The following HCN1 variants were observed in gnomAD, a reference collection of about 807,000 sequenced individuals.
HCN1 encodes the protein hyperpolarization activated cyclic nucleotide gated potassium channel 1.
A neutral mutation model predicts 78.9 loss-of-function variants in HCN1; 13 were observed. The ratio of observed to expected loss-of-function variants is 0.16; its 90% CI spans 0.11 to 0.26. The LOEUF (loss-of-function observed/expected upper bound fraction) is 0.26, where lower values mean the gene tolerates loss of function less well. Ranked by LOEUF, HCN1 falls within the 10% of genes least tolerant of loss-of-function variation. HCN1 has a pLI of 1.00. For missense variants in HCN1, 810 were observed against 1,154.3 expected (o/e 0.70, Z 4.32); for synonymous variants, 552 against 455.5 (o/e 1.21, Z -2.70).
intron 1 of HCN1, among the ~76,000 whole-genome samples, chr5:45,664,194 A>G (rs1225305591): frequency 1.4e-5 from 1 of 73,118 alleles, no homozygotes; most frequent in African/African-American, 5.7e-5. Context: ...CATTCTCAGT[A>G]AACTATCGCA....
intron 5 of HCN1, 90 bp from the exon 6 acceptor site, chr5:45,303,929 A>C: frequency 9.0e-7 from 1 of 1,112,754 alleles, no homozygotes. Flanking sequence ...TATACAGCAT[A>C]ACATTGTAAT....
At chr5:45,372,986 T>A in intron 4 of HCN1, among the ~76,000 whole-genome samples, 1 of 138,378 alleles carries the variant, frequency 7.2e-6, no homozygotes, top group South Asian at 2.2e-4. Context: ...AAATAAAAAA[T>A]AATATATAAA....
chr5:45,495,888 T>C (rs902835814), intron 2 of HCN1, among the ~76,000 whole-genome samples: 1 of 152,244 alleles, frequency 6.6e-6, no homozygotes, highest in Admixed American at 6.5e-5. Flanking sequence ...GTTCTGTTTA[T>C]ATGCTGGATT....
chr5:45,281,168 T>C (rs939244100), intron 6 of HCN1, among the ~76,000 whole-genome samples: 1 of 152,172 alleles, frequency 6.6e-6, no homozygotes, highest in South Asian at 2.1e-4. Context: ...CCAAATCTCA[T>C]GTAGAAATGT....
intron 2 of HCN1, among the ~76,000 whole-genome samples, chr5:45,638,696 A>G (rs1362464870): frequency 6.6e-6 from 1 of 152,188 alleles, no homozygotes; most frequent in Non-Finnish European, 1.5e-5. Flanking sequence ...TGAGGTCAGG[A>G]GTTCAAGACC....
At chr5:45,290,316 C>T (rs1468860585) in intron 6 of HCN1, among the ~76,000 whole-genome samples, 1 of 151,982 alleles carries the variant, frequency 6.6e-6, no homozygotes, top group Non-Finnish European at 1.5e-5. Flanking sequence ...ATACAGGGCA[C>T]TAATCCTATT....
At chr5:45,563,603 TAAGTA>T (rs1238417469) in intron 2 of HCN1, among the ~76,000 whole-genome samples, 1 of 152,154 alleles carries the variant, frequency 6.6e-6, no homozygotes, top group Non-Finnish European at 1.5e-5. Flanking sequence ...GAAACAGTGT[TAAGTA>T]TTCTCATATC....
intron 6 of HCN1, among the ~76,000 whole-genome samples, chr5:45,284,234 G>A (rs1745225775): frequency 6.6e-6 from 1 of 152,038 alleles, no homozygotes; most frequent in South Asian, 2.1e-4. Context: ...CAATCCCCAT[G>A]ACATGAATTT....
At chr5:45,477,816 T>C (rs1187120789) in intron 2 of HCN1, among the ~76,000 whole-genome samples, 2 of 152,116 alleles carry the variant, frequency 1.3e-5, no homozygotes, top group Non-Finnish European at 2.9e-5. Context: ...GTATTCAACC[T>C]CTGCATAAAA....
intron 5 of HCN1, among the ~76,000 whole-genome samples, chr5:45,346,156 T>TC (rs1387609080): frequency 1.3e-5 from 2 of 152,152 alleles, no homozygotes; most frequent in Non-Finnish European, 2.9e-5. Context: ...GTGGTAACCA[T>TC]CCCCATGATT....
intron 2 of HCN1, among the ~76,000 whole-genome samples, chr5:45,530,982 G>T (rs748575644): frequency 5.3e-5 from 8 of 151,654 alleles, no homozygotes; most frequent in Non-Finnish European, 8.8e-5. Context: ...TTCTAAAAAT[G>T]GAATTTTGGA....
chr5:45,674,624 T>G (rs940392777), intron 1 of HCN1, among the ~76,000 whole-genome samples: 16 of 151,796 alleles, frequency 1.1e-4, no homozygotes, highest in Admixed American at 3.9e-4. Context: ...ATCAACTGTA[T>G]TTTTAGTCAT....
At chr5:45,447,052 G>A (rs1399541953) in intron 3 of HCN1, among the ~76,000 whole-genome samples, 1 of 152,006 alleles carries the variant, frequency 6.6e-6, no homozygotes, top group African/African-American at 2.4e-5. Context: ...AACTTTAAAT[G>A]TAAATGGACT....
chr5:45,510,352 T>C (rs1439428215), intron 2 of HCN1, among the ~76,000 whole-genome samples: 1 of 152,136 alleles, frequency 6.6e-6, no homozygotes, highest in African/African-American at 2.4e-5. Flanking sequence ...AGAATTGAAT[T>C]GAGTGTTCAG....
chr5:45,499,285 T>C (rs1003697592), intron 2 of HCN1, among the ~76,000 whole-genome samples: 3 of 152,124 alleles, frequency 2.0e-5, no homozygotes, highest in Admixed American at 1.3e-4. Context: ...GGATATAATC[T>C]CCTGGTGCGC....
chr5:45,358,113 T>C (rs1415980916), intron 4 of HCN1, among the ~76,000 whole-genome samples: 1 of 152,088 alleles, frequency 6.6e-6, no homozygotes, highest in African/African-American at 2.4e-5. Context: ...ACCTTTCTTC[T>C]TTATTAATTA....
At chr5:45,672,040 G>A (rs1009561958) in intron 1 of HCN1, among the ~76,000 whole-genome samples, 10 of 151,454 alleles carry the variant, frequency 6.6e-5, no homozygotes, top group African/African-American at 2.4e-4. Context: ...GGAAACAGGG[G>A]TGGCAGAGAG....
At chr5:45,519,423 T>A (rs773914472) in intron 2 of HCN1, among the ~76,000 whole-genome samples, 1 of 152,036 alleles carries the variant, frequency 6.6e-6, no homozygotes, top group Non-Finnish European at 1.5e-5. Flanking sequence ...TTTTAGTAGA[T>A]AAGTCCGAAA....
At chr5:45,325,101 C>A (rs991812441) in intron 5 of HCN1, among the ~76,000 whole-genome samples, 3 of 151,564 alleles carry the variant, frequency 2.0e-5, no homozygotes, top group Admixed American at 1.3e-4. Context: ...AGGCCGTTGC[C>A]CCCATTATGG....
Sources: allele counts gnomAD v4.1 joint callset (sites outside exome capture counted in the v4.1 genomes callset), GRCh38; gene constraint gnomAD v4.1.1; transcripts MANE v1.5; gene names NCBI Gene and HGNC (gene_info 2026-07-23, HGNC 2026-07-21).